CHODL: variants seen among roughly 807,000 people sequenced by gnomAD.
CHODL encodes chondrolectin, also known as transmembrane protein MT75.
A neutral mutation model predicts 34.5 loss-of-function variants in CHODL; 29 were observed. That is an observed-to-expected ratio of 0.84 (90% CI 0.63 to 1.15). The LOEUF (loss-of-function observed/expected upper bound fraction) is 1.15. Ranked by LOEUF, CHODL falls within the 50% of genes most tolerant of loss-of-function variation. The pLI, the probability that CHODL is intolerant of heterozygous loss-of-function variation, is 0.00. For missense variants in CHODL, 332 were observed against 332.5 expected (o/e 1.00, Z 0.01); for synonymous variants, 125 against 116.1 (o/e 1.08, Z -0.49).
intron 2 of CHODL, among the ~76,000 whole-genome samples, chr21:18,194,742 T>G (rs540647241): frequency 1.3e-5 from 2 of 152,242 alleles, no homozygotes; most frequent in African/African-American, 4.8e-5. Context: ...TCACCTTACA[T>G]ACTTATCATT....
intron 2 of CHODL, among the ~76,000 whole-genome samples, chr21:18,105,320 G>A (rs973915746): frequency 6.6e-6 from 1 of 152,198 alleles, no homozygotes; most frequent in Admixed American, 6.5e-5. Context: ...GCAAGCTGTG[G>A]TATTCATACT....
intron 2 of CHODL, among the ~76,000 whole-genome samples, chr21:18,151,329 A>G (rs1002740222): frequency 1.4e-4 from 21 of 152,030 alleles, no homozygotes; most frequent in African/African-American, 4.8e-4. Flanking sequence ...ATGCCTATCC[A>G]GCAAAGTTTC....
intron 2 of CHODL, among the ~76,000 whole-genome samples, chr21:18,037,417 C>T (rs905686374): frequency 2.6e-5 from 4 of 151,606 alleles, no homozygotes; most frequent in Non-Finnish European, 5.9e-5. Flanking sequence ...AGAGTAAGAA[C>T]AATCTTTTAA....
At position 18,266,918 on chromosome 21, in the gene CHODL, G is replaced by A. The variant is rs376236495; in HGVS notation, c.*880G>A. The A allele has an allele frequency of 5.1e-4, 78 of 152,348 alleles. No homozygotes were observed. Among genetic ancestry groups the A allele is most frequent in the African/African-American group, 1.8e-3 (76 of 41,458 alleles). The allele number at this position is 152,348 out of a possible 1,614,324, so 9.4% of individuals were successfully genotyped here. The stretch of plus-strand genomic sequence containing the variant: ...CCTATATAATGAGAAGCAGCTCTCT[G>A]AGGGTTCTGAAATCAATGTGGTCCC... On this transcript the variant is annotated 3_prime_UTR_variant, in exon 6 of 6. Transcript: ENST00000299295.
chr21:17,925,954 T>C (rs1486258478), intron 1 of CHODL, among the ~76,000 whole-genome samples: 1 of 152,228 alleles, frequency 6.6e-6, no homozygotes, highest in Non-Finnish European at 1.5e-5. Context: ...AGATGTTTAA[T>C]AGACAATTAG....
chr21:18,019,840 A>G (rs964947553), intron 1 of CHODL, among the ~76,000 whole-genome samples: 1 of 152,110 alleles, frequency 6.6e-6, no homozygotes, highest in Non-Finnish European at 1.5e-5. Context: ...CCGTATGTGG[A>G]CCTACCCATT....
At chr21:18,249,985 C>G (rs76042113) in intron 1 of CHODL, among the ~76,000 whole-genome samples, 6 of 152,104 alleles carry the variant, frequency 3.9e-5, no homozygotes, top group Non-Finnish European at 8.8e-5. Context: ...ATAAGAGGGA[C>G]CTTTCTGCCA....
Position 18,245,385 on chromosome 21 carries a change from G to A in CHODL, c.79+83G>A, listed in dbSNP as rs1488576943. 1.8e-5 allele frequency: 22 copies of A among 1,205,770 alleles called. No individual in the cohort carries two copies. The Middle Eastern group carries it at 7.8e-4, about 43-fold the overall frequency. 74.7% of individuals were successfully genotyped at this position (1,205,770 alleles called of 1,614,324 possible). On this transcript the variant is annotated intron_variant, in intron 1 of 5. Coordinates refer to ENST00000299295, the MANE Select transcript of CHODL (RefSeq NM_024944.3). ...GCGGGCAGCCTGTTCTCGGGCGGAG[G>A]CTCTCCGGGGCGTTGGAAACCTGCA...
chr21:18,167,690 AT>A (rs950702860), intron 2 of CHODL, among the ~76,000 whole-genome samples: 1 of 151,834 alleles, frequency 6.6e-6, no homozygotes, highest in East Asian at 1.9e-4. Flanking sequence ...GTATCTGTTT[AT>A]TTTTTTCTTT....
chr21:18,251,657 T>TTTTATTTATTTTAATATATAAAATAAA, intron 1 of CHODL, among the ~76,000 whole-genome samples: 1 of 32,904 alleles, frequency 3.0e-5, no homozygotes, highest in South Asian at 9.2e-4. Context: ...TATAAAATAT[T>TTTTATTTATTTTAATATATAAAATAAA]TATTTTATTT....
At chr21:17,963,095 A>G (rs185925578) in intron 1 of CHODL, among the ~76,000 whole-genome samples, 257 of 146,418 alleles carry the variant, frequency 1.8e-3, no homozygotes, top group Middle Eastern at 3.5e-3. Flanking sequence ...TAATAATAAT[A>G]ACTTCCTTCA....
rs149264045 is a variant in CHODL at position 18,061,761 on chromosome 21, G to T, written c.-45+33790G>T. Among the ~76,000 whole-genome samples the T allele has an allele frequency of 5.9e-3, 901 of 152,300 alleles. 8 individuals carry two copies. The Middle Eastern group carries it at 0.075, about 13-fold the overall frequency. ...GAATGCAAAAGTAGGCATCAGCAAA[G>T]ATATTGCCATCTGAGAGATCGAGAT... On this transcript the variant is annotated intron_variant, in intron 2 of 6. Coordinates refer to the CHODL transcript ENST00000400127.
At chr21:18,147,869 C>A (rs2072914900) in intron 2 of CHODL, among the ~76,000 whole-genome samples, 1 of 152,184 alleles carries the variant, frequency 6.6e-6, no homozygotes. Context: ...AGGTTCCTCC[C>A]TAAGCTCAAG....
At chr21:18,034,341 A>G (rs1029053165) in intron 2 of CHODL, among the ~76,000 whole-genome samples, 4 of 151,992 alleles carry the variant, frequency 2.6e-5, no homozygotes, top group African/African-American at 9.7e-5. Context: ...GTCATCTTGA[A>G]TATAAAAGAC....
At chr21:18,023,552 T>C (rs115090842) in intron 1 of CHODL, among the ~76,000 whole-genome samples, 459 of 152,188 alleles carry the variant, frequency 3.0e-3, no homozygotes, top group African/African-American at 0.01. Flanking sequence ...GCTGTGCATC[T>C]GGGTCCACTC....
At chr21:18,171,137 T>A (rs1197504194) in intron 2 of CHODL, among the ~76,000 whole-genome samples, 1 of 147,548 alleles carries the variant, frequency 6.8e-6, no homozygotes, top group Non-Finnish European at 1.5e-5. Flanking sequence ...ATTGATAGTC[T>A]GTTTTATGAG....
chr21:18,031,615 C>G (rs2064249105), intron 2 of CHODL, among the ~76,000 whole-genome samples: 3 of 152,020 alleles, frequency 2.0e-5, no homozygotes, highest in Admixed American at 2.0e-4. Flanking sequence ...GATCAGCATA[C>G]TATTAAATGC....
intron 2 of CHODL, among the ~76,000 whole-genome samples, chr21:18,081,191 T>C (rs73198543): frequency 0.043 from 6,507 of 152,294 alleles, 227 homozygotes; most frequent in Non-Finnish European, 0.063. Flanking sequence ...TTTCATGTCC[T>C]GAAACTACTC....
chr21:17,968,028 A>G (rs1012408888), intron 1 of CHODL, among the ~76,000 whole-genome samples: 1 of 152,174 alleles, frequency 6.6e-6, no homozygotes, highest in African/African-American at 2.4e-5. Context: ...TTGTGCTGAA[A>G]CACTCCAAAT....
Sources: allele counts gnomAD v4.1 joint callset (sites outside exome capture counted in the v4.1 genomes callset), GRCh38; gene constraint gnomAD v4.1.1; transcripts MANE v1.5; gene names NCBI Gene and HGNC (gene_info 2026-07-23, HGNC 2026-07-21).